MYL10: variants seen among roughly 807,000 people sequenced by gnomAD.
MYL10 encodes myosin light chain 10.
MYL10 carries 18 observed loss-of-function variants against 21.9 expected under a neutral mutation model. That is an observed-to-expected ratio of 0.82 (90% CI 0.57 to 1.22). MYL10 has a LOEUF of 1.22. Among genes scored for constraint, MYL10 ranks in the 50% most tolerant of loss-of-function variants. The pLI, the probability that MYL10 is intolerant of heterozygous loss-of-function variation, is 0.00. For synonymous variants in MYL10, 88 were observed against 82.8 expected, an observed-to-expected ratio of 1.06 and a Z score of -0.34; for missense variants, 225 against 230.4, an observed-to-expected ratio of 0.98 and a Z score of 0.15.
chr7:101,626,115 G>T (rs146278444), intron 1 of MYL10, among the ~76,000 whole-genome samples: 11 of 152,342 alleles, frequency 7.2e-5, no homozygotes, highest in East Asian at 3.9e-4. Context: ...AGGGAAGAAG[G>T]GGGGGTCACC....
intron 5 of MYL10, among the ~76,000 whole-genome samples, chr7:101,620,568 A>G (rs1486427929): frequency 1.3e-5 from 2 of 152,204 alleles, no homozygotes; most frequent in Non-Finnish European, 2.9e-5. Context: ...TCAGAAAACT[A>G]TTATAAGCCC....
chr7:101,620,396 C>A (rs1052051589), intron 5 of MYL10, among the ~76,000 whole-genome samples: 1 of 151,980 alleles, frequency 6.6e-6, no homozygotes. Flanking sequence ...CCATTGACGG[C>A]GAGGCTGAGA....
At position 101,613,713 on chromosome 7, in the gene MYL10, G is replaced by A; in HGVS notation, c.534-3C>T. 1.2e-6 allele frequency: 2 copies of A among 1,614,014 alleles called. No individual in the cohort carries two copies. The highest frequency in any genetic ancestry group is 1.7e-6 in the Non-Finnish European group (2 of 1,179,964). On this transcript the variant is annotated splice_polypyrimidine_tract_variant and splice_region_variant and intron_variant, in intron 6 of 7. Transcript: ENST00000223167. ...GGGTCATAAGTTTTTCTTTGATGCT[G>A]TTCAAGGGAGAGACACAGTCATGTT...
chr7:101,621,480 C>T lies in MYL10; in HGVS notation c.454+616G>A, dbSNP rs551416359. Among the ~76,000 whole-genome samples the T allele has an allele frequency of 2.0e-5, 3 of 152,212 alleles. No individual in the cohort carries two copies. The East Asian group carries it at 5.8e-4, about 29-fold the overall frequency. On this transcript the variant is annotated intron_variant, in intron 5 of 7. Transcript: ENST00000223167. ...CACCCTCTGCCTATACCCCCAGCCCCATGTGCAGAGCGGGTAAAAGGAGCT... is the reference window on the plus strand; with the variant it reads ...CACCCTCTGCCTATACCCCCAGCCCTATGTGCAGAGCGGGTAAAAGGAGCT...
Position 101,624,348 on chromosome 7 carries a change from C to T in MYL10, c.79-84G>A, listed in dbSNP as rs150189884. ...CCCTGTCTCACCTCCCAGGGCATCA[C>T]GGTCCAGAATGACACCGCTTTGCCC... is the stretch of plus-strand genomic sequence containing the variant. On this transcript the variant is annotated intron_variant, in intron 1 of 7. Transcript: ENST00000223167. The T allele has an allele frequency of 7.2e-5, 74 of 1,025,852 alleles. 1 individual carries two copies. Among genetic ancestry groups the T allele is most frequent in the South Asian group, 1.5e-4 (11 of 74,154 alleles). The allele number at this position is 1,025,852 out of a possible 1,614,324, so 63.5% of individuals were successfully genotyped here. A position where few individuals can be genotyped will look rare whatever the true frequency, so the allele number is the denominator to read the frequency against.
At chr7:101,618,091 C>T (rs749222865) in intron 5 of MYL10, among the ~76,000 whole-genome samples, 24 of 152,256 alleles carry the variant, frequency 1.6e-4, no homozygotes, top group Non-Finnish European at 3.4e-4. Context: ...GTCTGAGTCT[C>T]TGGGCATCTC....
rs1796610397 is a variant in MYL10, at chr7:101,616,403, C to T, written c.455-105G>A. 8 of 808,574 alleles carry T rather than the reference C, an allele frequency of 9.9e-6. 1 individual carries two copies. Among genetic ancestry groups the T allele is most frequent in the Non-Finnish European group, 1.7e-5 (8 of 484,454 alleles). 50.1% of individuals were successfully genotyped at this position (808,574 alleles called of 1,614,324 possible). ...CTGGGGCTGGGGGCAAGTCCCACGG[C>T]CCCTGCACAGAGGCACAGCTCTGGG... On this transcript the variant is annotated intron_variant, in intron 5 of 7. Transcript: ENST00000223167.
At chr7:101,614,917 C>T (rs1452542902) in intron 6 of MYL10, among the ~76,000 whole-genome samples, 1 of 152,180 alleles carries the variant, frequency 6.6e-6, no homozygotes, top group African/African-American at 2.4e-5. Flanking sequence ...GGAGGAATCT[C>T]ACCTGCCCCA....
rs1451764591 is a variant in MYL10, at chr7:101,623,017, CTCAAG to C, written c.324_328del (p.Asp108GlufsTer60). On this transcript the variant is annotated frameshift_variant, in exon 4 of 8. Transcript: ENST00000223167. LOFTEE classifies it high-confidence loss of function. Reference sequence around the variant, plus strand: ...CCCACCCAGCGCGGCAAAGGTGTCCCTCAAGTCCTCTTTGTCGATGAAGCCATCAC... The same window carrying C: ...CCCACCCAGCGCGGCAAAGGTGTCCCTCCTCTTTGTCGATGAAGCCATCAC... 1.2e-6 allele frequency: 2 copies of C among 1,613,968 alleles called. No individual in the cohort carries two copies. Among genetic ancestry groups the C allele is most frequent in the African/African-American group, 1.3e-5 (1 of 74,944 alleles).
intron 4 of MYL10, among the ~76,000 whole-genome samples, chr7:101,622,716 C>T (rs779612527): frequency 1.1e-4 from 16 of 152,158 alleles, no homozygotes; most frequent in Admixed American, 5.9e-4. Flanking sequence ...GCTTTCCTGG[C>T]CCCTCCCCAC....
At position 101,622,151 on chromosome 7, in the gene MYL10, G is replaced by T. The variant is rs1451966282; in HGVS notation, c.399C>A (p.Ala133=). 6.2e-7 allele frequency: 1 copy of T among 1,613,506 alleles called. No individual in the cohort carries two copies. Among genetic ancestry groups the T allele is most frequent in the East Asian group, 2.2e-5 (1 of 44,812 alleles). The change falls in exon 5 of 8, where the codon GCC becomes GCA. Residue 133 remains alanine (A), a synonymous_variant. Transcript: ENST00000223167. The part of the protein sequence containing the change: ...NEELEAMVKE[A]PGPINFTVFL... The stretch of plus-strand genomic sequence containing the variant: ...ACACCGTGAAGTTGATGGGTCCGGG[G>T]GCCTCCTTCACCATGGCCTCCAGTT...
At chr7:101,620,148 G>A (rs894550958) in intron 5 of MYL10, among the ~76,000 whole-genome samples, 2 of 152,026 alleles carry the variant, frequency 1.3e-5, no homozygotes, top group East Asian at 1.9e-4. Flanking sequence ...GTAGTGAAAC[G>A]GTATCTCTAC....
At chr7:101,625,994 CT>C (rs1174863306) in intron 1 of MYL10, among the ~76,000 whole-genome samples, 4 of 148,066 alleles carry the variant, frequency 2.7e-5, no homozygotes, top group Non-Finnish European at 5.9e-5. Context: ...AGATCATTTT[CT>C]TTACAGCACA....
chr7:101,614,236 G>A (rs541463571), intron 6 of MYL10, among the ~76,000 whole-genome samples: 1 of 152,324 alleles, frequency 6.6e-6, no homozygotes, highest in African/African-American at 2.4e-5. Context: ...GGTTCTTAAG[G>A]GAGCTCAGTG....
At chr7:101,614,308 G>A (rs1039419433) in intron 6 of MYL10, among the ~76,000 whole-genome samples, 7 of 152,200 alleles carry the variant, frequency 4.6e-5, no homozygotes, top group Non-Finnish European at 7.3e-5. Flanking sequence ...CTCTGGCACC[G>A]GCTGCGGCAG....
chr7:101,625,551 C>A (rs1229819279), intron 1 of MYL10, among the ~76,000 whole-genome samples: 1 of 151,818 alleles, frequency 6.6e-6, no homozygotes, highest in African/African-American at 2.4e-5. Flanking sequence ...TGTGTGGTCT[C>A]CCCTGCCCCC....
chr7:101,622,908 C>G (rs1251976394), intron 4 of MYL10, 89 bp downstream of exon 4: 1 of 1,236,744 alleles, frequency 8.1e-7, no homozygotes, highest in African/African-American at 1.5e-5. Context: ...GCCTCTCACG[C>G]TCACCGCGAG....
rs900024757 is a variant in MYL10 at position 101,615,697 on chromosome 7, CT to C, written c.533+522del. ...CTCCTGGAGTGACCCACCACTTCTT[CT>C]TTTTTTTTTTTTTTTTGAGACAGTC... On this transcript the variant is annotated intron_variant, in intron 6 of 7. Coordinates refer to ENST00000223167, the MANE Select transcript of MYL10 (RefSeq NM_138403.5). Among the ~76,000 whole-genome samples the C allele has an allele frequency of 3.6e-3, 431 of 121,190 alleles. 1 individual carries two copies. Among genetic ancestry groups the C allele is most frequent in the East Asian group, 0.014 (49 of 3,556 alleles). 79.5% of individuals were successfully genotyped at this position (121,190 alleles called of 152,430 possible).
chr7:101,619,233 C>A (rs1239919090), intron 5 of MYL10, among the ~76,000 whole-genome samples: 5 of 152,234 alleles, frequency 3.3e-5, no homozygotes, highest in Non-Finnish European at 7.3e-5. Flanking sequence ...ACAGAGCATT[C>A]TTCTCTCCCG....
Sources: allele counts gnomAD v4.1 joint callset (sites outside exome capture counted in the v4.1 genomes callset), GRCh38; gene constraint gnomAD v4.1.1; transcripts MANE v1.5; gene names NCBI Gene and HGNC (gene_info 2026-07-23, HGNC 2026-07-21).